The following CACNB2 variants were observed in gnomAD, a reference collection of about 807,000 sequenced individuals.
The protein encoded by CACNB2 is calcium voltage-gated channel auxiliary subunit beta 2.
A neutral mutation model predicts 73.3 loss-of-function variants in CACNB2; 42 were observed. That is an observed-to-expected ratio of 0.57 (90% CI 0.45 to 0.74). The LOEUF is 0.74. Ranked by LOEUF, CACNB2 falls within the 30% of genes least tolerant of loss-of-function variation. The pLI is 0.00. For missense variants in CACNB2, 940 were observed against 853.0 expected (o/e 1.10, Z -1.27); for synonymous variants, 348 against 310.3 (o/e 1.12, Z -1.28).
intron 2 of CACNB2, among the ~76,000 whole-genome samples, chr10:18,355,176 T>C (rs1337772400): frequency 6.7e-6 from 1 of 149,764 alleles, no homozygotes; most frequent in Non-Finnish European, 1.5e-5. Flanking sequence ...GTCCCAGGCA[T>C]TTCAGGTAAG....
chr10:18,432,101 A>G (rs1344163101), intron 3 of CACNB2, among the ~76,000 whole-genome samples: 1 of 152,214 alleles, frequency 6.6e-6, no homozygotes, highest in Admixed American at 6.5e-5. Flanking sequence ...ATATCAATTA[A>G]TTTTAGAAAT....
intron 2 of CACNB2, among the ~76,000 whole-genome samples, chr10:18,218,408 T>G (rs1184610278): frequency 6.6e-6 from 1 of 152,212 alleles, no homozygotes; most frequent in Non-Finnish European, 1.5e-5. Flanking sequence ...GTTCACAATC[T>G]AGATCCCAAG....
chr10:18,405,825 G>A (rs967438994), intron 3 of CACNB2, among the ~76,000 whole-genome samples: 1 of 152,190 alleles, frequency 6.6e-6, no homozygotes, highest in Non-Finnish European at 1.5e-5. Context: ...GGGTTTGGTG[G>A]TGTATGCCTG....
At chr10:18,329,926 C>A (rs1438269345) in intron 2 of CACNB2, among the ~76,000 whole-genome samples, 1 of 152,082 alleles carries the variant, frequency 6.6e-6, no homozygotes, top group Non-Finnish European at 1.5e-5. Flanking sequence ...CAACCTCCTC[C>A]ACTTCCTGGT....
intron 2 of CACNB2, among the ~76,000 whole-genome samples, chr10:18,164,153 T>C (rs2131108313): frequency 6.6e-6 from 1 of 152,370 alleles, no homozygotes; most frequent in African/African-American, 2.4e-5. Flanking sequence ...GCAATCACAA[T>C]GTAAACAGGT....
chr10:18,249,922 T>G (rs950801618), intron 2 of CACNB2, among the ~76,000 whole-genome samples: 4 of 152,134 alleles, frequency 2.6e-5, no homozygotes, highest in African/African-American at 9.7e-5. Flanking sequence ...CTAAATATTT[T>G]TCTTCTCAGG....
At chr10:18,478,121 G>A (rs796872944) in intron 3 of CACNB2, among the ~76,000 whole-genome samples, 2 of 152,186 alleles carry the variant, frequency 1.3e-5, no homozygotes, top group African/African-American at 4.8e-5. Context: ...TAGTAGAAAC[G>A]GGATTTCACC....
chr10:18,309,596 TA>T (rs1316282567), intron 2 of CACNB2, among the ~76,000 whole-genome samples: 3 of 152,148 alleles, frequency 2.0e-5, no homozygotes, highest in African/African-American at 7.2e-5. Context: ...TAGCTGGGAT[TA>T]CAGTCCCGCG....
intron 2 of CACNB2, among the ~76,000 whole-genome samples, chr10:18,383,715 G>T (rs1564489972): frequency 6.6e-6 from 1 of 151,314 alleles, no homozygotes; most frequent in East Asian, 1.9e-4. Flanking sequence ...GAGTGCCATT[G>T]TTTTTTTTTA....
At chr10:18,152,740 C>CAAAAAAAAAA (rs57847393) in intron 2 of CACNB2, among the ~76,000 whole-genome samples, 1 of 97,464 alleles carries the variant, frequency 1.0e-5, no homozygotes, top group East Asian at 2.8e-4. Flanking sequence ...AAACAAAAAA[C>CAAAAAAAAAA]AAAACACTAG....
intron 2 of CACNB2, among the ~76,000 whole-genome samples, chr10:18,235,333 T>C (rs1179987248): frequency 2.1e-5 from 3 of 144,616 alleles, no homozygotes; most frequent in African/African-American, 7.7e-5. Flanking sequence ...CAGTGCATGC[T>C]TGTAGTCTCA....
intron 2 of CACNB2, among the ~76,000 whole-genome samples, chr10:18,263,312 G>T: frequency 6.6e-6 from 1 of 152,274 alleles, no homozygotes; most frequent in Non-Finnish European, 1.5e-5. Flanking sequence ...GCTGCTCATT[G>T]AATACAAAGG....
intron 2 of CACNB2, among the ~76,000 whole-genome samples, chr10:18,224,700 G>C (rs1316291124): frequency 6.6e-6 from 1 of 152,154 alleles, no homozygotes; most frequent in South Asian, 2.1e-4. Context: ...CCACAACCAT[G>C]ACCAGCCCAG....
intron 2 of CACNB2, among the ~76,000 whole-genome samples, chr10:18,276,834 C>A (rs1212119212): frequency 6.6e-6 from 1 of 152,212 alleles, no homozygotes; most frequent in African/African-American, 2.4e-5. Flanking sequence ...CCACTTCAGC[C>A]TCCCAAAGCG....
intron 2 of CACNB2, among the ~76,000 whole-genome samples, chr10:18,209,230 C>G (rs558889199): frequency 1.3e-5 from 2 of 152,094 alleles, no homozygotes; most frequent in Admixed American, 6.6e-5. Flanking sequence ...AATCATATGC[C>G]TTAGGCAAAC....
intron 2 of CACNB2, among the ~76,000 whole-genome samples, chr10:18,228,433 C>CAA (rs1164745930): frequency 1.4e-4 from 5 of 34,808 alleles, no homozygotes; most frequent in South Asian, 1.7e-3. Context: ...AACTCTACCT[C>CAA]AAAAAAAAAA....
At chr10:18,464,021 G>A (rs2047728580) in intron 3 of CACNB2, among the ~76,000 whole-genome samples, 1 of 152,064 alleles carries the variant, frequency 6.6e-6, no homozygotes, top group South Asian at 2.1e-4. Flanking sequence ...CCTCTGTGCT[G>A]TCAGAGAAGT....
rs45615535 is a variant in CACNB2, at chr10:18,541,885, A to G, written c.*2161A>G. On this transcript the variant is annotated 3_prime_UTR_variant, in exon 14 of 14. Coordinates refer to ENST00000324631, the MANE Select transcript of CACNB2 (RefSeq NM_201596.3). ...TCCAAAAAAGAAAAAAAAACAAAAA[A>G]CAAAAAAAACTATCCAGCAAAATTA... 22,144 of 151,966 alleles carry G rather than the reference A, an allele frequency of 0.15. 1,773 individuals carry two copies. The highest frequency in any genetic ancestry group is 0.23 in the Middle Eastern group (69 of 294). The allele number at this position is 151,966 out of a possible 1,614,324, so 9.4% of individuals were successfully genotyped here. A position where few individuals can be genotyped will look rare whatever the true frequency, so the allele number is the denominator to read the frequency against.
At chr10:18,292,401 T>C (rs967028284) in intron 2 of CACNB2, among the ~76,000 whole-genome samples, 1 of 152,250 alleles carries the variant, frequency 6.6e-6, no homozygotes, top group Non-Finnish European at 1.5e-5. Context: ...CTCACGCCTG[T>C]AATCCCAGTA....
Sources: gnomAD v4.1 joint callset for allele counts (sites outside exome capture counted in the v4.1 genomes callset) on GRCh38, gnomAD v4.1.1 for gene constraint, MANE v1.5 for transcripts, NCBI Gene and HGNC (gene_info 2026-07-23, HGNC 2026-07-21) for gene names.